Variants in ASIP observed in about 807,000 individuals in gnomAD.
The protein encoded by ASIP is agouti-signaling protein.
Under a neutral mutation model 10.3 loss-of-function variants are expected in ASIP, and 11 were observed. The observed-to-expected ratio is 1.07, with a 90% confidence interval of 0.68 to 1.78. ASIP has a LOEUF of 1.78. Among genes scored for constraint, ASIP ranks in the 40% most tolerant of loss-of-function variants. The pLI is 0.00. For missense variants in ASIP, 180 were observed against 169.2 expected (o/e 1.06, Z -0.35); for synonymous variants, 70 against 70.8 (o/e 0.99, Z 0.06).
At chr20:34,202,801 C>CTTTTTTTT (rs34156089) in intron 1 of ASIP, among the ~76,000 whole-genome samples, 1 of 57,286 alleles carries the variant, frequency 1.7e-5, no homozygotes, top group Admixed American at 1.9e-4. Flanking sequence ...CTTGGCTATT[C>CTTTTTTTT]TTTTTTTTTT....
chr20:34,196,987 CTTT>C (rs74271768), intron 1 of ASIP, among the ~76,000 whole-genome samples: 32 of 135,544 alleles, frequency 2.4e-4, no homozygotes, highest in Admixed American at 3.0e-4. Context: ...CTTAAACATT[CTTT>C]TTTTTTTTTT....
chr20:34,216,930 C>T (rs886677040), intron 1 of ASIP, among the ~76,000 whole-genome samples: 2 of 152,074 alleles, frequency 1.3e-5, no homozygotes, highest in African/African-American at 4.8e-5. Context: ...TCAAAAAAGC[C>T]TGTGGAGCTC....
chr20:34,208,399 G>A (rs778499105), intron 1 of ASIP, among the ~76,000 whole-genome samples: 2 of 152,098 alleles, frequency 1.3e-5, no homozygotes, highest in Admixed American at 6.5e-5. Context: ...CTGTCACCCA[G>A]GCTGGAGTGC....
chr20:34,244,181 A>G (rs1194720595), intron 1 of ASIP, among the ~76,000 whole-genome samples: 5 of 152,188 alleles, frequency 3.3e-5, no homozygotes, highest in Admixed American at 2.6e-4. Context: ...TAGAACAAAC[A>G]CCGCAAGTCT....
In ASIP at chr20:34,269,206, G is replaced by C; in HGVS notation, c.*39G>C. ...CGGCCGCGAGCAGGCAGGGCTTCGG[G>C]GACGCGGGGCGCTTCTCGGGCGGGT... On this transcript the variant is annotated 3_prime_UTR_variant, in exon 4 of 4. Transcript: ENST00000374954. The C allele has an allele frequency of 6.9e-7, 1 of 1,448,678 alleles. No individual in the cohort carries two copies. The highest frequency in any genetic ancestry group is 9.1e-7 in the Non-Finnish European group (1 of 1,104,140). The allele number at this position is 1,448,678 out of a possible 1,614,324, so 89.7% of individuals were successfully genotyped here. A position where few individuals can be genotyped will look rare whatever the true frequency, so the allele number is the denominator to read the frequency against.
rs2035153847 is a variant in ASIP, at chr20:34,234,613, C to T, written c.-10-25752C>T. ...ACAGTGGTCCTATAAACCAGCCTGA[C>T]CAACATGGCGAAACCCCATCTCTAC... On this transcript the variant is annotated intron_variant, in intron 1 of 3. Coordinates refer to the ASIP transcript ENST00000568305. Among the ~76,000 whole-genome samples the T allele has an allele frequency of 2.0e-5, 3 of 152,156 alleles. 1 individual carries two copies. The highest frequency in any genetic ancestry group is 2.0e-4 in the Admixed American group (3 of 15,266).
intron 3 of ASIP, among the ~76,000 whole-genome samples, chr20:34,263,908 TG>T (rs1341998308): frequency 6.6e-6 from 1 of 152,052 alleles, no homozygotes; most frequent in East Asian, 1.9e-4. Flanking sequence ...TGACCTCAGG[TG>T]ATCCACCTGC....
chr20:34,250,112 G>T (rs760604435), intron 1 of ASIP: 1 of 152,206 alleles, frequency 6.6e-6, no homozygotes, highest in Non-Finnish European at 1.5e-5. Flanking sequence ...GAACCCCCAG[G>T]TCTCTGGCCA....
intron 1 of ASIP, among the ~76,000 whole-genome samples, chr20:34,216,134 C>T (rs1321866379): frequency 6.6e-6 from 1 of 152,272 alleles, no homozygotes; most frequent in East Asian, 1.9e-4. Context: ...TTGGCCGGGA[C>T]TGCACGCCTC....
In ASIP at chr20:34,235,897, GGAAAGGAA is replaced by G. The variant is rs369366667; in HGVS notation, c.-10-24466_-10-24459del. Among the ~76,000 whole-genome samples, 3 of 64,982 alleles carry G rather than the reference GGAAAGGAA, an allele frequency of 4.6e-5. No homozygotes were observed. In the African/African-American group the frequency reaches 4.7e-4, roughly 10 times the overall value. The allele number at this position is 64,982 out of a possible 152,430, so 42.6% of individuals were successfully genotyped here. A position where few individuals can be genotyped will look rare whatever the true frequency, so the allele number is the denominator to read the frequency against. ...AGGAAGGAAGGAAGGAAGGAAGGAA[GGAAAGGAA>G]GGAAGGAAGGAAGGAAGGAAGGAAG... On this transcript the variant is annotated intron_variant, in intron 1 of 3. Coordinates refer to the ASIP transcript ENST00000568305.
At chr20:34,220,312 AG>A (rs2035037202) in intron 1 of ASIP, among the ~76,000 whole-genome samples, 1 of 152,170 alleles carries the variant, frequency 6.6e-6, no homozygotes, top group Middle Eastern at 3.4e-3. Flanking sequence ...AAGTAAGCAC[AG>A]GGGCCGGGTG....
chr20:34,226,672 TAACA>T (rs1395073926), intron 1 of ASIP, among the ~76,000 whole-genome samples: 1 of 152,092 alleles, frequency 6.6e-6, no homozygotes, highest in Non-Finnish European at 1.5e-5. Flanking sequence ...TAAAAAGTCT[TAACA>T]AACTAATAAT....
upstream of ASIP, among the ~76,000 whole-genome samples, chr20:34,239,654 T>C (rs1361470750): frequency 2.0e-5 from 3 of 152,224 alleles, no homozygotes; most frequent in African/African-American, 4.8e-5. Flanking sequence ...ACAGTTTATG[T>C]GACTTGTCCA....
At chr20:34,237,264 C>CA (rs60026239), upstream of ASIP, among the ~76,000 whole-genome samples, 6 of 150,838 alleles carry the variant, frequency 4.0e-5, no homozygotes, top group Admixed American at 2.0e-4. Flanking sequence ...CTATTTCTGC[C>CA]AAAAAAAACC....
chr20:34,187,992 C>G, the ASIP span, among the ~76,000 whole-genome samples: 1 of 152,182 alleles, frequency 6.6e-6, no homozygotes, highest in African/African-American at 2.4e-5. Flanking sequence ...AGACTTCAGG[C>G]TGAGCCTGTA....
rs866038111 is a variant in ASIP, at chr20:34,222,839, G to A, written c.-11+28079G>A. On this transcript the variant is annotated intron_variant, in intron 1 of 3. Coordinates refer to the ASIP transcript ENST00000568305. ...GAGACGGGGTTTCGCTGTGTTGGCC[G>A]GGCCGGTCTCCAGCCCCTAACCGCG... 6.1e-4 allele frequency among the ~76,000 whole-genome samples: 93 copies of A among 152,130 alleles called. 3 individuals are homozygous for A. Among genetic ancestry groups the A allele is most frequent in the Middle Eastern group, 6.8e-3 (2 of 294 alleles).
intron 1 of ASIP, among the ~76,000 whole-genome samples, chr20:34,234,485 CTCTTT>C (rs949067366): frequency 5.3e-5 from 8 of 151,954 alleles, no homozygotes; most frequent in Non-Finnish European, 1.0e-4. Context: ...TTTTCCTTTT[CTCTTT>C]TCTTTTCTTT....
chr20:34,210,381 G>C (rs1464910418), intron 1 of ASIP, among the ~76,000 whole-genome samples: 2 of 152,228 alleles, frequency 1.3e-5, no homozygotes, highest in Admixed American at 6.5e-5. Context: ...GGCAGGTGTG[G>C]AAGCTGCTTG....
At chr20:34,191,085 G>A (rs1277138472), upstream of ASIP, among the ~76,000 whole-genome samples, 2 of 152,200 alleles carry the variant, frequency 1.3e-5, no homozygotes, top group Non-Finnish European at 2.9e-5. Context: ...GCTTCTTTGA[G>A]CCAGGAAACC....
Sources: gnomAD v4.1 joint callset for allele counts (sites outside exome capture counted in the v4.1 genomes callset) on GRCh38, gnomAD v4.1.1 for gene constraint, MANE v1.5 for transcripts, NCBI Gene and HGNC (gene_info 2026-07-23, HGNC 2026-07-21) for gene names.